MPP7: variants seen among roughly 807,000 people sequenced by gnomAD.
MPP7 encodes MAGUK p55 subfamily member 7.
In MPP7, 60 loss-of-function variants were observed where a neutral mutation model predicts 76.5. That is an observed-to-expected ratio of 0.78 (90% CI 0.64 to 0.97). The LOEUF (loss-of-function observed/expected upper bound fraction) is 0.97, where lower values mean the gene tolerates loss of function less well. Ranked by LOEUF, MPP7 falls within the 50% of genes least tolerant of loss-of-function variation. The probability of loss-of-function intolerance (pLI) is 0.00; values close to 1 mark genes in which losing one functional copy is unlikely to be tolerated. For synonymous variants in MPP7, 237 were observed against 244.5 expected (o/e 0.97, Z 0.29); for missense variants, 641 against 694.0 (o/e 0.92, Z 0.86).
chr10:28,081,084 A>G (rs943030169), intron 12 of MPP7, among the ~76,000 whole-genome samples: 4 of 152,228 alleles, frequency 2.6e-5, no homozygotes, highest in African/African-American at 9.6e-5. Context: ...CATAAGATTC[A>G]GCACAAAGGA....
At chr10:28,189,895 AAAAG>A (rs1281084895) in intron 3 of MPP7, among the ~76,000 whole-genome samples, 6 of 152,268 alleles carry the variant, frequency 3.9e-5, no homozygotes, top group Middle Eastern at 6.8e-3. Flanking sequence ...AGAATGGATA[AAAAG>A]AAAGACCCAA....
intron 11 of MPP7, among the ~76,000 whole-genome samples, chr10:28,099,178 G>C (rs1853701555): frequency 6.6e-6 from 1 of 152,050 alleles, no homozygotes; most frequent in South Asian, 2.1e-4. Context: ...CTCAAGCAAA[G>C]TCAAGATAAC....
intron 3 of MPP7, among the ~76,000 whole-genome samples, chr10:28,176,499 C>G (rs1017624181): frequency 6.6e-6 from 1 of 152,104 alleles, no homozygotes; most frequent in Non-Finnish European, 1.5e-5. Flanking sequence ...CTTTGGGAGG[C>G]TGAGGTGGGT....
chr10:28,240,694 C>T (rs528894595), intron 1 of MPP7, among the ~76,000 whole-genome samples: 1 of 151,964 alleles, frequency 6.6e-6, no homozygotes, highest in Non-Finnish European at 1.5e-5. Context: ...TTTGCTTTGC[C>T]TTCATAAATT....
intron 3 of MPP7, among the ~76,000 whole-genome samples, chr10:28,176,750 C>G (rs1196129171): frequency 6.6e-6 from 1 of 151,378 alleles, no homozygotes; most frequent in African/African-American, 2.4e-5. Flanking sequence ...AAAAAGAAAC[C>G]ATCATTCTGA....
chr10:28,275,739 C>T (rs1840474570), intron 1 of MPP7, among the ~76,000 whole-genome samples: 1 of 151,714 alleles, frequency 6.6e-6, no homozygotes, highest in Non-Finnish European at 1.5e-5. Flanking sequence ...AGTCTTCTTC[C>T]CTACATCTGC....
rs554944135 is a variant in MPP7, at chr10:28,281,046, T to C, written c.-132+21815A>G. ...GTAATTTAGACTCAGTGTGGTAGAG[T>C]AGATCCAAAGAATAAATGGTCATTT... is the stretch of plus-strand genomic sequence containing the variant. On this transcript the variant is annotated intron_variant, in intron 1 of 16. Transcript: ENST00000683449. Among the ~76,000 whole-genome samples, 89 of 151,802 alleles carry C rather than the reference T, an allele frequency of 5.9e-4. 3 individuals carry two copies. In the Middle Eastern group the frequency reaches 0.01, roughly 17 times the overall value.
intron 11 of MPP7, among the ~76,000 whole-genome samples, chr10:28,114,878 TC>T (rs1190201604): frequency 6.6e-6 from 1 of 152,164 alleles, no homozygotes; most frequent in Non-Finnish European, 1.5e-5. Flanking sequence ...TCTTGGGGAA[TC>T]CCAGGAGAAC....
intron 1 of MPP7, among the ~76,000 whole-genome samples, chr10:28,243,528 A>T (rs996775085): frequency 6.6e-6 from 1 of 152,162 alleles, no homozygotes; most frequent in Non-Finnish European, 1.5e-5. Flanking sequence ...AAAGCTCAAG[A>T]TTGATCAATG....
At position 28,058,603 on chromosome 10, in the gene MPP7, C is replaced by G. The variant is rs1243721512; in HGVS notation, c.1299G>C (p.Lys433Asn). The stretch of plus-strand genomic sequence containing the variant: ...TTTTATATTCTCCATATTCAATAAA[C>G]CTGTAAAAAATTAAATGCATTGGAA... ...HLFETDVQNN[K>N]FIEYGEYKNN... Residue 433 changes from lysine to asparagine, a missense_variant and splice_region_variant, in exon 15 of 17, where the codon AAG becomes AAC. Transcript: ENST00000683449. 6.5e-7 allele frequency: 1 copy of G among 1,530,540 alleles called. No homozygotes were observed. Among genetic ancestry groups the G allele is most frequent in the African/African-American group, 1.4e-5 (1 of 72,374 alleles). The allele number at this position is 1,530,540 out of a possible 1,614,324, so 94.8% of individuals were successfully genotyped here.
chr10:28,274,865 A>G (rs1418631137), intron 1 of MPP7, among the ~76,000 whole-genome samples: 1 of 152,148 alleles, frequency 6.6e-6, no homozygotes, highest in South Asian at 2.1e-4. Context: ...CTCTCATTAT[A>G]TGACTTTCTA....
intron 3 of MPP7, among the ~76,000 whole-genome samples, chr10:28,162,173 TCC>T (rs1224149078): frequency 6.6e-6 from 1 of 152,194 alleles, no homozygotes; most frequent in African/African-American, 2.4e-5. Flanking sequence ...AACACTGTTT[TCC>T]ATCAAATTAA....
chr10:28,092,027 G>A (rs1241399758), intron 11 of MPP7, among the ~76,000 whole-genome samples: 1 of 152,136 alleles, frequency 6.6e-6, no homozygotes, highest in Non-Finnish European at 1.5e-5. Context: ...TGAAGGAAAT[G>A]AATAATTGTT....
Position 28,124,990 on chromosome 10 carries a change from G to A in MPP7, c.529+20C>T. The A allele has an allele frequency of 6.2e-7, 1 of 1,605,000 alleles. No individual in the cohort carries two copies. The highest frequency in any genetic ancestry group is 8.5e-7 in the Non-Finnish European group (1 of 1,171,768). The stretch of plus-strand genomic sequence containing the variant: ...GAAACACGTGATTAGTCTGTACTTG[G>A]TTAACATTTAAAGTCTCACCACTTC... On this transcript the variant is annotated intron_variant, in intron 7 of 16. Transcript: ENST00000683449.
At chr10:28,166,400 A>ATTTTTTT in intron 3 of MPP7, among the ~76,000 whole-genome samples, 1 of 93,422 alleles carries the variant, frequency 1.1e-5, no homozygotes, top group Non-Finnish European at 2.0e-5. Flanking sequence ...TTACCTTTTA[A>ATTTTTTT]TTTTTTTTTT....
chr10:28,079,096 T>A (rs1162644598), intron 12 of MPP7, among the ~76,000 whole-genome samples: 1 of 152,238 alleles, frequency 6.6e-6, no homozygotes, highest in Non-Finnish European at 1.5e-5. Flanking sequence ...TCATTTCATG[T>A]AATGTAATTA....
chr10:28,320,463 A>G (rs1215771933), intron 2 of MPP7, among the ~76,000 whole-genome samples: 1 of 152,116 alleles, frequency 6.6e-6, no homozygotes, highest in Non-Finnish European at 1.5e-5. Context: ...TTATAGGGGA[A>G]AAAAGAGAGA....
intron 11 of MPP7, among the ~76,000 whole-genome samples, chr10:28,107,517 G>T (rs1834364232): frequency 6.6e-6 from 1 of 152,082 alleles, no homozygotes; most frequent in Admixed American, 6.6e-5. Flanking sequence ...AGCTCTCAGG[G>T]GGTCTCCTTC....
At chr10:28,058,989 C>T (rs74127196) in intron 14 of MPP7, among the ~76,000 whole-genome samples, 2,691 of 152,248 alleles carry the variant, frequency 0.018, 81 homozygotes, top group African/African-American at 0.06. Flanking sequence ...GAACTAGAGG[C>T]GCTGGGTGGT....
Sources: allele counts gnomAD v4.1 joint callset (sites outside exome capture counted in the v4.1 genomes callset), GRCh38; gene constraint gnomAD v4.1.1; transcripts MANE v1.5; gene names NCBI Gene and HGNC (gene_info 2026-07-23, HGNC 2026-07-21).